Variants in CDK14 observed in about 807,000 individuals in gnomAD.
CDK14 encodes cyclin-dependent kinase 14.
CDK14 carries 34 observed loss-of-function variants against 60.7 expected under a neutral mutation model. The ratio of observed to expected loss-of-function variants is 0.56; its 90% CI spans 0.43 to 0.75. The LOEUF (loss-of-function observed/expected upper bound fraction) is 0.75, where lower values mean the gene tolerates loss of function less well. Ranked by LOEUF, CDK14 falls within the 30% of genes least tolerant of loss-of-function variation. CDK14 has a pLI of 0.00. For missense variants in CDK14, 482 were observed against 564.1 expected (o/e 0.85, Z 1.47); for synonymous variants, 197 against 203.7 (o/e 0.97, Z 0.28).
intron 2 of CDK14, among the ~76,000 whole-genome samples, chr7:90,702,096 G>T (rs910092290): frequency 6.6e-6 from 1 of 152,168 alleles, no homozygotes; most frequent in Non-Finnish European, 1.5e-5. Context: ...TCCTTAGACT[G>T]CAGTGGATGG....
chr7:90,707,014 C>T (rs556249545), intron 2 of CDK14, among the ~76,000 whole-genome samples: 30 of 152,186 alleles, frequency 2.0e-4, no homozygotes, highest in African/African-American at 7.2e-4. Context: ...GGGCACTGCC[C>T]CCAATAAATT....
intron 2 of CDK14, among the ~76,000 whole-genome samples, chr7:90,718,451 C>T (rs1316012049): frequency 1.3e-5 from 2 of 152,060 alleles, no homozygotes; most frequent in African/African-American, 2.4e-5. Flanking sequence ...CATAGTAGAA[C>T]ATTAGAGCTA....
At chr7:91,148,061 A>C (rs1212056112) in intron 14 of CDK14, among the ~76,000 whole-genome samples, 1 of 152,190 alleles carries the variant, frequency 6.6e-6, no homozygotes, top group Non-Finnish European at 1.5e-5. Flanking sequence ...GTATAGTCTG[A>C]AATAAAAATG....
intron 3 of CDK14, among the ~76,000 whole-genome samples, chr7:90,735,580 T>G (rs1242823928): frequency 6.6e-6 from 1 of 152,236 alleles, no homozygotes; most frequent in East Asian, 1.9e-4. Context: ...TGAGCTACAG[T>G]GGGCTCTGCC....
intron 3 of CDK14, among the ~76,000 whole-genome samples, chr7:90,739,014 T>C (rs1044446766): frequency 1.3e-5 from 2 of 152,194 alleles, no homozygotes; most frequent in African/African-American, 4.8e-5. Context: ...TCTGCATACT[T>C]AAAATAGGAG....
At chr7:91,034,029 T>G (rs540972017) in intron 10 of CDK14, among the ~76,000 whole-genome samples, 2 of 152,248 alleles carry the variant, frequency 1.3e-5, no homozygotes, top group African/African-American at 4.8e-5. Context: ...TTCCAGGCAC[T>G]AAGAGCATTT....
At chr7:91,039,216 C>T (rs759588383) in intron 10 of CDK14, among the ~76,000 whole-genome samples, 1 of 152,128 alleles carries the variant, frequency 6.6e-6, no homozygotes, top group African/African-American at 2.4e-5. Flanking sequence ...TCATTACACC[C>T]CTCATTGAGC....
chr7:91,046,478 A>G (rs945650462), intron 11 of CDK14, among the ~76,000 whole-genome samples: 3 of 152,188 alleles, frequency 2.0e-5, no homozygotes, highest in African/African-American at 7.2e-5. Context: ...CTGAACACTG[A>G]AAAATCTGAA....
At chr7:90,936,036 T>C (rs540386213) in intron 8 of CDK14, among the ~76,000 whole-genome samples, 1 of 147,876 alleles carries the variant, frequency 6.8e-6, no homozygotes, top group Non-Finnish European at 1.5e-5. Context: ...AGCGAGACCC[T>C]GTCTTAAAAA....
At chr7:91,177,679 G>A (rs1347174801) in intron 14 of CDK14, among the ~76,000 whole-genome samples, 1 of 149,168 alleles carries the variant, frequency 6.7e-6, no homozygotes, top group African/African-American at 2.5e-5. Flanking sequence ...GACAAACAGA[G>A]AGCCAAATCA....
intron 10 of CDK14, among the ~76,000 whole-genome samples, chr7:91,044,682 C>T (rs779270628): frequency 1.8e-4 from 27 of 152,080 alleles, no homozygotes; most frequent in Non-Finnish European, 3.7e-4. Context: ...TTGGTTTACA[C>T]CTCTCATAAT....
intron 2 of CDK14, among the ~76,000 whole-genome samples, chr7:90,682,258 TA>T (rs556995009): frequency 6.6e-6 from 1 of 152,278 alleles, no homozygotes; most frequent in Admixed American, 6.5e-5. Flanking sequence ...TATAAATATC[TA>T]AAAAAAGACT....
chr7:90,871,605 G>A (rs894588932), intron 6 of CDK14, among the ~76,000 whole-genome samples: 1 of 152,150 alleles, frequency 6.6e-6, no homozygotes, highest in African/African-American at 2.4e-5. Context: ...GAAATATAAT[G>A]AGCACCTTAT....
At chr7:90,787,364 C>A (rs1198207906) in intron 4 of CDK14, among the ~76,000 whole-genome samples, 1 of 152,118 alleles carries the variant, frequency 6.6e-6, no homozygotes, top group African/African-American at 2.4e-5. Context: ...GAAATAAAAA[C>A]TTTTCTATAT....
At chr7:91,121,301 G>A (rs1479694841) in intron 14 of CDK14, among the ~76,000 whole-genome samples, 1 of 152,174 alleles carries the variant, frequency 6.6e-6, no homozygotes, top group East Asian at 1.9e-4. Flanking sequence ...GATTGGGAAG[G>A]AGAGGGAGGC....
intron 14 of CDK14, among the ~76,000 whole-genome samples, chr7:91,135,294 G>A (rs181762519): frequency 1.1e-4 from 17 of 152,252 alleles, no homozygotes; most frequent in Admixed American, 1.3e-4. Flanking sequence ...TAGAATGAAT[G>A]CCTCACTTGT....
chr7:90,631,670 A>AGTGCACAGT (rs1383299578), intron 2 of CDK14, among the ~76,000 whole-genome samples: 1 of 152,198 alleles, frequency 6.6e-6, no homozygotes, highest in Non-Finnish European at 1.5e-5. Context: ...GCAAAAGAGT[A>AGTGCACAGT]GTGCACAGTG....
chr7:91,029,607 T>C (rs866932924), intron 10 of CDK14, among the ~76,000 whole-genome samples: 1 of 67,956 alleles, frequency 1.5e-5, no homozygotes, highest in Non-Finnish European at 3.1e-5. Context: ...TCCTCTCCTC[T>C]CCTCCGCTCC....
At chr7:91,066,740 G>A (rs373459257) in intron 11 of CDK14, among the ~76,000 whole-genome samples, 1 of 152,150 alleles carries the variant, frequency 6.6e-6, no homozygotes, top group African/African-American at 2.4e-5. Flanking sequence ...GAATGTCAAC[G>A]AATTGCAGTG....
Sources: gnomAD v4.1 joint callset for allele counts (sites outside exome capture counted in the v4.1 genomes callset) on GRCh38, gnomAD v4.1.1 for gene constraint, MANE v1.5 for transcripts, NCBI Gene and HGNC (gene_info 2026-07-23, HGNC 2026-07-21) for gene names.